The following SGCZ variants were observed in gnomAD, a reference collection of about 807,000 sequenced individuals.
SGCZ encodes the protein zeta-sarcoglycan.
SGCZ carries 40 observed loss-of-function variants against 41.3 expected under a neutral mutation model. That is an observed-to-expected ratio of 0.97 (90% confidence interval 0.75 to 1.26). The LOEUF (loss-of-function observed/expected upper bound fraction) is 1.26. Among genes scored for constraint, SGCZ ranks in the 50% most tolerant of loss-of-function variants. The pLI, the probability that SGCZ is intolerant of heterozygous loss-of-function variation, is 0.00. For synonymous variants in SGCZ, 206 were observed against 137.5 expected, an observed-to-expected ratio of 1.50 and a Z score of -3.49; for missense variants, 552 against 369.8, an observed-to-expected ratio of 1.49 and a Z score of -4.04.
intron 1 of SGCZ, among the ~76,000 whole-genome samples, chr8:14,656,020 G>T (rs1337095880): frequency 6.6e-6 from 1 of 152,064 alleles, no homozygotes; most frequent in Non-Finnish European, 1.5e-5. Context: ...GCACATCAGG[G>T]TTGCTTCCAG....
intron 1 of SGCZ, among the ~76,000 whole-genome samples, chr8:14,648,780 C>A (rs141015346): frequency 5.5e-4 from 84 of 152,136 alleles, no homozygotes; most frequent in African/African-American, 1.9e-3. Flanking sequence ...CAATAATAAA[C>A]AAAAACCAAT....
intron 4 of SGCZ, among the ~76,000 whole-genome samples, chr8:14,168,356 T>C (rs1205326224): frequency 6.6e-6 from 1 of 152,144 alleles, no homozygotes; most frequent in Non-Finnish European, 1.5e-5. Context: ...GTAATATGGT[T>C]TGGTTGTCTC....
chr8:14,394,052 A>G (rs1474215382), intron 2 of SGCZ, among the ~76,000 whole-genome samples: 1 of 152,086 alleles, frequency 6.6e-6, no homozygotes, highest in African/African-American at 2.4e-5. Context: ...TTTATTTAAA[A>G]CATTTTATGT....
At chr8:14,326,344 A>G (rs1025774018) in intron 2 of SGCZ, among the ~76,000 whole-genome samples, 9 of 152,062 alleles carry the variant, frequency 5.9e-5, no homozygotes, top group African/African-American at 1.9e-4. Flanking sequence ...CCATTGAGGT[A>G]GAATTATATA....
At chr8:14,654,610 C>A (rs536913921) in intron 1 of SGCZ, among the ~76,000 whole-genome samples, 1 of 151,990 alleles carries the variant, frequency 6.6e-6, no homozygotes, top group South Asian at 2.1e-4. Flanking sequence ...CTCGCTCTGT[C>A]GCCCAGGCTG....
chr8:14,104,011 C>T (rs1036786871), intron 6 of SGCZ, among the ~76,000 whole-genome samples: 1 of 152,166 alleles, frequency 6.6e-6, no homozygotes, highest in Admixed American at 6.5e-5. Context: ...TGTTGTCCCA[C>T]TTCTCTCTTG....
intron 1 of SGCZ, among the ~76,000 whole-genome samples, chr8:14,720,191 T>C (rs915735105): frequency 1.2e-4 from 19 of 152,094 alleles, no homozygotes; most frequent in Admixed American, 6.6e-4. Flanking sequence ...ACTTGATCAA[T>C]AAATATTTTA....
chr8:15,227,238 T>A (rs1333634144), intron 1 of SGCZ, among the ~76,000 whole-genome samples: 1 of 152,090 alleles, frequency 6.6e-6, no homozygotes, highest in Non-Finnish European at 1.5e-5. Context: ...ATAGACAAAA[T>A]CCCATACAAA....
At chr8:14,501,799 T>C (rs886143580) in intron 2 of SGCZ, among the ~76,000 whole-genome samples, 1 of 152,078 alleles carries the variant, frequency 6.6e-6, no homozygotes, top group Non-Finnish European at 1.5e-5. Context: ...ACTCCAAAAT[T>C]TTAACCCAAA....
intron 1 of SGCZ, among the ~76,000 whole-genome samples, chr8:14,833,354 C>G (rs977057300): frequency 6.6e-6 from 1 of 152,068 alleles, no homozygotes; most frequent in Non-Finnish European, 1.5e-5. Context: ...CACTGAAATT[C>G]ACATTTTATT....
At chr8:14,130,114 C>G (rs1802992555) in intron 5 of SGCZ, among the ~76,000 whole-genome samples, 2 of 152,104 alleles carry the variant, frequency 1.3e-5, no homozygotes, top group East Asian at 1.9e-4. Flanking sequence ...CAGTGTGGAA[C>G]TAGTATAAGG....
intron 2 of SGCZ, among the ~76,000 whole-genome samples, chr8:14,438,979 G>A (rs1800168611): frequency 6.6e-6 from 1 of 151,736 alleles, no homozygotes; most frequent in Non-Finnish European, 1.5e-5. Context: ...GTAAATCTTT[G>A]AAGACATGAG....
chr8:14,318,592 C>T (rs945498318), intron 3 of SGCZ, among the ~76,000 whole-genome samples: 4 of 151,880 alleles, frequency 2.6e-5, no homozygotes, highest in Non-Finnish European at 4.4e-5. Flanking sequence ...GTATTGAGCA[C>T]TGTGTACACC....
At chr8:15,181,236 GT>G (rs940403547) in intron 1 of SGCZ, among the ~76,000 whole-genome samples, 4 of 152,138 alleles carry the variant, frequency 2.6e-5, no homozygotes, top group African/African-American at 9.6e-5. Context: ...CTTGAAAATA[GT>G]TTTTTATACA....
chr8:14,359,384 T>C (rs180995077), intron 2 of SGCZ, among the ~76,000 whole-genome samples: 26 of 152,080 alleles, frequency 1.7e-4, no homozygotes, highest in African/African-American at 5.3e-4. Flanking sequence ...ATGAATCTAA[T>C]AGATATGTAC....
At chr8:15,098,134 G>A (rs1388593504) in intron 1 of SGCZ, among the ~76,000 whole-genome samples, 5 of 151,112 alleles carry the variant, frequency 3.3e-5, no homozygotes, top group Non-Finnish European at 7.4e-5. Flanking sequence ...ACATTAAAAA[G>A]CAGAGCAGGA....
intron 2 of SGCZ, among the ~76,000 whole-genome samples, chr8:14,438,839 C>T (rs938255881): frequency 6.6e-6 from 1 of 151,842 alleles, no homozygotes; most frequent in African/African-American, 2.4e-5. Context: ...CGACTCAAAG[C>T]CCTATTAGCC....
chr8:14,497,647 G>A (rs1035428283), intron 2 of SGCZ, among the ~76,000 whole-genome samples: 39 of 151,994 alleles, frequency 2.6e-4, no homozygotes, highest in African/African-American at 9.2e-4. Flanking sequence ...TTTTATGTGT[G>A]GCCCAAGATG....
At chr8:14,603,038 G>C (rs1237031604) in intron 1 of SGCZ, among the ~76,000 whole-genome samples, 1 of 152,190 alleles carries the variant, frequency 6.6e-6, no homozygotes, top group East Asian at 1.9e-4. Flanking sequence ...CATGGCTTCA[G>C]AGACACTAGG....
Sources: gnomAD v4.1 joint callset for allele counts (sites outside exome capture counted in the v4.1 genomes callset) on GRCh38, gnomAD v4.1.1 for gene constraint, MANE v1.5 for transcripts, NCBI Gene and HGNC (gene_info 2026-07-23, HGNC 2026-07-21) for gene names.